Variants in RBPMS observed in about 807,000 individuals in gnomAD.
RBPMS encodes the protein RNA-binding protein with multiple splicing.
Under a neutral mutation model 26.8 loss-of-function variants are expected in RBPMS, and 7 were observed. That is an observed-to-expected ratio of 0.26 (90% CI 0.15 to 0.49). RBPMS has a LOEUF of 0.49. Ranked by LOEUF, RBPMS falls within the 20% of genes least tolerant of loss-of-function variation. RBPMS has a pLI of 0.98. For missense variants in RBPMS, 186 were observed against 250.0 expected, an observed-to-expected ratio of 0.74 and a Z score of 1.73; for synonymous variants, 96 against 93.3, an observed-to-expected ratio of 1.03 and a Z score of -0.17.
At chr8:30,563,143 A>G (rs2151090961) in intron 7 of RBPMS, among the ~76,000 whole-genome samples, 1 of 152,332 alleles carries the variant, frequency 6.6e-6, no homozygotes, top group South Asian at 2.1e-4. Flanking sequence ...GGCCATGTGC[A>G]TGCTGTTCCT....
chr8:30,539,342 G>A (rs1825137462), intron 5 of RBPMS, among the ~76,000 whole-genome samples: 1 of 152,106 alleles, frequency 6.6e-6, no homozygotes, highest in African/African-American at 2.4e-5. Context: ...GCAGCAGTGG[G>A]GGCATCACCC....
At chr8:30,409,670 G>A (rs986413425) in intron 1 of RBPMS, among the ~76,000 whole-genome samples, 2 of 152,010 alleles carry the variant, frequency 1.3e-5, no homozygotes, top group African/African-American at 4.8e-5. Context: ...GTCTCGCTCT[G>A]TTGCCAGGCT....
chr8:30,473,565 A>G (rs1207471700), intron 1 of RBPMS, among the ~76,000 whole-genome samples: 2 of 152,162 alleles, frequency 1.3e-5, no homozygotes, highest in Non-Finnish European at 1.5e-5. Flanking sequence ...AAGCAGAACT[A>G]CCATTTGACC....
intron 4 of RBPMS, among the ~76,000 whole-genome samples, chr8:30,484,358 T>C (rs185842578): frequency 6.6e-6 from 1 of 152,322 alleles, no homozygotes; most frequent in African/African-American, 2.4e-5. Flanking sequence ...GTAACATTTC[T>C]GTGACAGTTC....
intron 1 of RBPMS, among the ~76,000 whole-genome samples, chr8:30,431,555 A>G (rs1014775689): frequency 1.3e-5 from 2 of 151,872 alleles, no homozygotes; most frequent in African/African-American, 4.8e-5. Context: ...CCTAGGTTCA[A>G]GTAATTCTCC....
chr8:30,556,595 A>G, intron 6 of RBPMS: 1 of 986,200 alleles, frequency 1.0e-6, no homozygotes, highest in Non-Finnish European at 1.2e-6. Flanking sequence ...CGCACCAGTC[A>G]CACCACTGCG....
At chr8:30,554,186 A>G (rs1393309395) in intron 6 of RBPMS, among the ~76,000 whole-genome samples, 1 of 152,216 alleles carries the variant, frequency 6.6e-6, no homozygotes, top group Non-Finnish European at 1.5e-5. Flanking sequence ...AGGTGAGAGA[A>G]AATCTGTAGC....
intron 5 of RBPMS, among the ~76,000 whole-genome samples, chr8:30,506,421 G>A (rs953689728): frequency 2.0e-5 from 3 of 151,508 alleles, no homozygotes; most frequent in Non-Finnish European, 4.4e-5. Context: ...TCTTAATATA[G>A]CTCATTTTTA....
At chr8:30,393,332 C>G (rs985396311) in intron 1 of RBPMS, among the ~76,000 whole-genome samples, 2 of 151,924 alleles carry the variant, frequency 1.3e-5, no homozygotes, top group African/African-American at 4.8e-5. Flanking sequence ...CTCCAACTCT[C>G]CATTTGCCAA....
At chr8:30,469,476 G>T (rs972078743) in intron 1 of RBPMS, among the ~76,000 whole-genome samples, 1 of 152,230 alleles carries the variant, frequency 6.6e-6, no homozygotes, top group Non-Finnish European at 1.5e-5. Flanking sequence ...AGCACAGGAT[G>T]ATTTTTACTA....
At chr8:30,440,318 A>C (rs1399971747) in intron 1 of RBPMS, among the ~76,000 whole-genome samples, 1 of 152,092 alleles carries the variant, frequency 6.6e-6, no homozygotes, top group African/African-American at 2.4e-5. Context: ...CAGAAACTCT[A>C]TACCCATTAA....
At chr8:30,493,126 C>T (rs1473122595) in intron 4 of RBPMS, among the ~76,000 whole-genome samples, 3 of 152,202 alleles carry the variant, frequency 2.0e-5, no homozygotes, top group Non-Finnish European at 4.4e-5. Context: ...TTGACAGTGA[C>T]CGACATCAGA....
At chr8:30,388,778 C>A (rs1007120280) in intron 1 of RBPMS, among the ~76,000 whole-genome samples, 1 of 152,014 alleles carries the variant, frequency 6.6e-6, no homozygotes, top group South Asian at 2.1e-4. Context: ...TGTAAAACAT[C>A]TTTAAAAGGC....
chr8:30,386,565 ACTGG>A (rs1807116129), intron 1 of RBPMS, among the ~76,000 whole-genome samples: 1 of 152,214 alleles, frequency 6.6e-6, no homozygotes, highest in Admixed American at 6.5e-5. Flanking sequence ...TAGGAATGCT[ACTGG>A]CATTTCTTTT....
At chr8:30,392,904 T>C (rs987715051) in intron 1 of RBPMS, among the ~76,000 whole-genome samples, 13 of 152,162 alleles carry the variant, frequency 8.5e-5, no homozygotes, top group Admixed American at 6.6e-5. Context: ...GAAATACGAT[T>C]TTCAGAACAA....
At chr8:30,540,445 A>G (rs1199007754) in intron 5 of RBPMS, among the ~76,000 whole-genome samples, 1 of 152,186 alleles carries the variant, frequency 6.6e-6, no homozygotes, top group Non-Finnish European at 1.5e-5. Context: ...ATTAAGAGAC[A>G]GGGTCTTACT....
chr8:30,503,579 C>T (rs1007962914), intron 4 of RBPMS, among the ~76,000 whole-genome samples: 1 of 151,942 alleles, frequency 6.6e-6, no homozygotes, highest in Non-Finnish European at 1.5e-5. Context: ...TTTTTTCAAG[C>T]TCATTAGGAA....
intron 8 of RBPMS, among the ~76,000 whole-genome samples, chr8:30,567,003 T>C (rs1166281084): frequency 1.3e-5 from 2 of 152,166 alleles, no homozygotes; most frequent in Non-Finnish European, 2.9e-5. Context: ...GCAGGAAATG[T>C]AGTCTAAAAA....
intron 1 of RBPMS, among the ~76,000 whole-genome samples, chr8:30,411,365 T>C (rs1042746008): frequency 6.6e-6 from 1 of 152,002 alleles, no homozygotes; most frequent in Non-Finnish European, 1.5e-5. Context: ...ACTGTCAAAA[T>C]TGAGAAATTT....
Sources: gnomAD v4.1 joint callset for allele counts (sites outside exome capture counted in the v4.1 genomes callset) on GRCh38, gnomAD v4.1.1 for gene constraint, MANE v1.5 for transcripts, NCBI Gene and HGNC (gene_info 2026-07-23, HGNC 2026-07-21) for gene names.